Variants in MGA observed in about 807,000 individuals in gnomAD.
MGA encodes the protein MAX gene-associated protein.
A neutral mutation model predicts 261.1 loss-of-function variants in MGA; 40 were observed. The observed-to-expected ratio is 0.15, with a 90% CI of 0.12 to 0.20. The LOEUF is 0.20. Among genes scored for constraint, MGA ranks in the 10% least tolerant of loss-of-function variants. The pLI is 1.00. For missense variants in MGA, 3,397 were observed against 3,630.5 expected, an observed-to-expected ratio of 0.94 and a Z score of 1.65; for synonymous variants, 1,302 against 1,290.6, an observed-to-expected ratio of 1.01 and a Z score of -0.19.
At chr15:41,638,420 C>T (rs1037555997) in intron 1 of MGA, among the ~76,000 whole-genome samples, 2 of 151,314 alleles carry the variant, frequency 1.3e-5, no homozygotes, top group African/African-American at 4.9e-5. Context: ...GGCTGGAGTG[C>T]AGTGTCATGA....
intron 18 of MGA, among the ~76,000 whole-genome samples, chr15:41,757,228 A>G (rs2063205111): frequency 6.6e-6 from 1 of 152,230 alleles, no homozygotes; most frequent in Non-Finnish European, 1.5e-5. Flanking sequence ...ATCCACAAAT[A>G]TAGAAAGCAT....
At chr15:41,656,752 T>C (rs538747534), upstream of MGA, among the ~76,000 whole-genome samples, 16 of 152,076 alleles carry the variant, frequency 1.1e-4, no homozygotes, top group Non-Finnish European at 1.5e-4. Flanking sequence ...TTAATATTAC[T>C]ATGCTGATTA....
Position 41,764,920 on chromosome 15 carries a change from T to A in MGA, c.7779T>A (p.Ser2593=). 6.2e-7 allele frequency: 1 copy of A among 1,614,016 alleles called. No individual in the cohort carries two copies. Among genetic ancestry groups the A allele is most frequent in the Non-Finnish European group, 8.5e-7 (1 of 1,179,882 alleles). ...CACCCTTGAACACTCCACACACCTCTGCCAACCTTGTGATGACTCCGCAAG... is the reference window on the plus strand; with the variant it reads ...CACCCTTGAACACTCCACACACCTCAGCCAACCTTGTGATGACTCCGCAAG... The change falls in exon 23 of 24, where the codon TCT becomes TCA. Residue 2593 remains serine (S), a synonymous_variant. Coordinates refer to ENST00000219905, the MANE Select transcript of MGA (RefSeq NM_001164273.2).
chr15:41,736,564 A>G lies in MGA; in HGVS notation c.4300A>G (p.Thr1434Ala), dbSNP rs963380686. Residue 1434 changes from threonine to alanine, a missense_variant, in exon 13 of 24, where the codon ACA (threonine) becomes GCA (alanine). This residue lies in a region of MGA where 1,410 missense variants were observed against 1,386.4 expected (regional missense o/e 1.02). Transcript: ENST00000219905. Reference sequence around the variant, plus strand: ...AATGGAGGATATCTCTCCTGTGCAGACAGATGCCCTGGATTCAGTGAGGGA... The same window carrying G: ...AATGGAGGATATCTCTCCTGTGCAGGCAGATGCCCTGGATTCAGTGAGGGA... The G allele has an allele frequency of 1.2e-6, 2 of 1,613,910 alleles. No homozygotes were observed. The highest frequency in any genetic ancestry group is 1.7e-6 in the Non-Finnish European group (2 of 1,179,898).
rs1378752201 is a variant in MGA at position 41,766,267 on chromosome 15, C to G, written c.8185C>G (p.Gln2729Glu). The change falls in exon 24 of 24, where the codon CAA becomes GAA. Residue 2729 changes from glutamine to glutamate, a missense_variant. Around this residue, in one of 9 missense-constraint regions of MGA, gnomAD observed 647 missense variants for 642.4 expected, o/e 1.01. Transcript: ENST00000219905. ...GGCAAACAAAGATTCTGGTTATCCA[C>G]AAATAGTTGACGTTTCCAATATGCA... 8.1e-6 allele frequency: 13 copies of G among 1,613,826 alleles called. No homozygotes were observed. The highest frequency in any genetic ancestry group is 2.7e-5 in the African/African-American group (2 of 74,910).
chr15:41,641,748 A>G (rs796521070), intron 1 of MGA, among the ~76,000 whole-genome samples: 1 of 151,936 alleles, frequency 6.6e-6, no homozygotes, highest in African/African-American at 2.4e-5. Flanking sequence ...TTGGCCTCCC[A>G]AAGTGTTGGG....
rs978025573 is a variant in MGA at position 41,742,585 on chromosome 15, T to C, written c.4625T>C (p.Val1542Ala). ...CCTGGTGGTGTGTTCACACAGTTTG[T>C]GATGAGTAAAGTTGGAGCCTTGCAG... is the stretch of plus-strand genomic sequence containing the variant. The change falls in exon 15 of 24, where the codon GTG becomes GCG. Residue 1542 changes from valine to alanine, a missense_variant. This residue lies in a region of MGA where 1,410 missense variants were observed against 1,386.4 expected (regional missense o/e 1.02). Coordinates refer to ENST00000219905, the MANE Select transcript of MGA (RefSeq NM_001164273.2). The C allele has an allele frequency of 7.4e-6, 12 of 1,613,746 alleles. No individual in the cohort carries two copies. The African/African-American group carries it at 1.3e-4, about 18-fold the overall frequency.
At chr15:41,624,314 C>T (rs572550516) in intron 1 of MGA, among the ~76,000 whole-genome samples, 3 of 151,988 alleles carry the variant, frequency 2.0e-5, no homozygotes, top group South Asian at 4.2e-4. Flanking sequence ...GTGGTGCGAT[C>T]TCAGCTCACT....
intron 2 of MGA, among the ~76,000 whole-genome samples, chr15:41,672,604 A>G (rs919086623): frequency 3.3e-5 from 5 of 152,246 alleles, no homozygotes; most frequent in Admixed American, 2.0e-4. Flanking sequence ...ATGCTCCAAG[A>G]AATAGCATTA....
chr15:41,693,228 T>C (rs2059382732), intron 2 of MGA, among the ~76,000 whole-genome samples: 1 of 151,876 alleles, frequency 6.6e-6, no homozygotes, highest in Non-Finnish European at 1.5e-5. Flanking sequence ...TACATATGTA[T>C]ACATGTGCCA....
rs546133267 is a variant in MGA, at chr15:41,721,118, G to A, written c.3431-6062G>A. Among the ~76,000 whole-genome samples, 6 of 152,216 alleles carry A rather than the reference G, an allele frequency of 3.9e-5. No homozygotes were observed. In the East Asian group the frequency reaches 1.2e-3, roughly 29 times the overall value. On this transcript the variant is annotated intron_variant, in intron 9 of 23. Coordinates refer to ENST00000219905, the MANE Select transcript of MGA (RefSeq NM_001164273.2). ...TATTAGGAAAAAATTTCTTAAACAT[G>A]ACAGAAGAAAACCAATTCTTAGGGA...
intron 11 of MGA, 102 bp downstream of exon 11, chr15:41,729,451 G>T (rs778229552): frequency 1.9e-4 from 218 of 1,143,956 alleles, no homozygotes; most frequent in Non-Finnish European, 2.6e-4. Flanking sequence ...ACAGGGCAGA[G>T]AAGTCATACA....
intron 11 of MGA, among the ~76,000 whole-genome samples, 156 bp from the exon 12 acceptor site, chr15:41,734,366 A>G (rs1173433178): frequency 1.3e-5 from 2 of 152,230 alleles, no homozygotes; most frequent in African/African-American, 4.8e-5. Context: ...GTTTTATATG[A>G]TAGTAACGTA....
chr15:41,682,865 A>G (rs556278969), intron 2 of MGA, among the ~76,000 whole-genome samples: 99 of 152,266 alleles, frequency 6.5e-4, no homozygotes, highest in Non-Finnish European at 1.3e-3. Context: ...TTCATTTTTC[A>G]GTAGTTTCTT....
In MGA at chr15:41,669,384, T is replaced by A; in HGVS notation, c.490T>A (p.Ser164Thr). 1 of 1,613,948 alleles carries A rather than the reference T, an allele frequency of 6.2e-7. No homozygotes were observed. Among genetic ancestry groups the A allele is most frequent in the South Asian group, 1.1e-5 (1 of 91,086 alleles). Residue 164 changes from serine (S) to threonine (T), a missense_variant, in exon 2 of 24, where the codon TCC becomes ACC. This residue lies in a region of MGA where 104 missense variants were observed against 212.9 expected (regional missense o/e 0.49). Coordinates refer to ENST00000219905, the MANE Select transcript of MGA (RefSeq NM_001164273.2). ...GGTTTTCATTCATCCAGAATCTCCTTCCACAGGTCATTATTGGATGCATCA... is the reference window on the plus strand; with the variant it reads ...GGTTTTCATTCATCCAGAATCTCCTACCACAGGTCATTATTGGATGCATCA...
At chr15:41,694,052 C>G (rs1164317743) in intron 2 of MGA, among the ~76,000 whole-genome samples, 1 of 151,902 alleles carries the variant, frequency 6.6e-6, no homozygotes. Context: ...TTTTCTAGTT[C>G]TAAGTGGAGG....
At chr15:41,656,363 T>TCTCTCTCTCTCTCTC (rs2057187618), upstream of MGA, among the ~76,000 whole-genome samples, 3 of 137,280 alleles carry the variant, frequency 2.2e-5, no homozygotes, top group African/African-American at 7.7e-5. Context: ...TCTCTCTCTC[T>TCTCTCTCTCTCTCTC]CTCTCTCTCT....
At chr15:41,670,651 G>A (rs903171373) in intron 2 of MGA, among the ~76,000 whole-genome samples, 2 of 152,030 alleles carry the variant, frequency 1.3e-5, no homozygotes, top group African/African-American at 4.8e-5. Context: ...GACTACAGGC[G>A]CCCGTCACCA....
chr15:41,652,033 T>C (rs1349931147), intron 1 of MGA, among the ~76,000 whole-genome samples: 8 of 123,810 alleles, frequency 6.5e-5, no homozygotes, highest in Non-Finnish European at 1.0e-4. Context: ...GTGTGCGATG[T>C]TGGCTCACTG....
Sources: allele counts gnomAD v4.1 joint callset (sites outside exome capture counted in the v4.1 genomes callset), GRCh38; gene constraint gnomAD v4.1.1; regional missense constraint gnomAD v4.1.1; transcripts MANE v1.5; gene names NCBI Gene and HGNC (gene_info 2026-07-23, HGNC 2026-07-21).